SH3PXD2B: variants seen among roughly 807,000 people sequenced by gnomAD.
SH3PXD2B encodes SH3 and PX domain-containing protein 2B.
In SH3PXD2B, 37 loss-of-function variants were observed where a neutral mutation model predicts 73.1. The observed-to-expected ratio is 0.51, with a 90% confidence interval of 0.39 to 0.67. SH3PXD2B has a LOEUF of 0.67. Among genes scored for constraint, SH3PXD2B ranks in the 30% least tolerant of loss-of-function variants. SH3PXD2B has a pLI of 0.00. For synonymous variants in SH3PXD2B, 457 were observed against 480.5 expected (o/e 0.95, Z 0.64); for missense variants, 1,053 against 1,197.8 (o/e 0.88, Z 1.78).
At position 172,338,627 on chromosome 5, in the gene SH3PXD2B, T is replaced by A. The variant is rs1434913979; in HGVS notation, c.2478A>T (p.Pro826=). Residue 826 remains proline (P), a synonymous_variant, in exon 13 of 13, where the codon CCA becomes CCT. Coordinates refer to ENST00000311601, the MANE Select transcript of SH3PXD2B (RefSeq NM_001017995.3). The surrounding 1 kb of genome is among the most constrained non-coding windows in gnomAD (Gnocchi z 5.1). ...DDTRGKGSLG[P]WGTGKIGENR... ...TTTCTCCAATCTTGCCGGTCCCCCA[T>A]GGCCCCAGGCTGCCTTTGCCTCGCG... is the stretch of plus-strand genomic sequence containing the variant. The A allele has an allele frequency of 5.0e-6, 8 of 1,614,038 alleles. No homozygotes were observed. The highest frequency in any genetic ancestry group is 6.8e-6 in the Non-Finnish European group (8 of 1,180,032).
intron 6 of SH3PXD2B, among the ~76,000 whole-genome samples, chr5:172,372,821 C>T (rs954529968): frequency 3.3e-5 from 5 of 152,158 alleles, no homozygotes; most frequent in Admixed American, 1.3e-4. Flanking sequence ...CTTCAAACCT[C>T]CTGGCACCCT....
rs1285606943 is a variant in SH3PXD2B at position 172,382,131 on chromosome 5, G to A, written c.310-4C>T. On this transcript the variant is annotated splice_region_variant and splice_polypyrimidine_tract_variant and intron_variant, in intron 4 of 12. Transcript: ENST00000311601. ...AGGGGGGCAGCTGGATGAGGGCCTG[G>A]AGAAGAGAGACGCAGGTGAGTGCAA... is the stretch of plus-strand genomic sequence containing the variant. 2.5e-6 allele frequency: 4 copies of A among 1,602,210 alleles called. No individual in the cohort carries two copies. Among genetic ancestry groups the A allele is most frequent in the Non-Finnish European group, 3.4e-6 (4 of 1,174,770 alleles).
chr5:172,439,677 T>TGCGC (rs140085322), intron 1 of SH3PXD2B, among the ~76,000 whole-genome samples: 4 of 121,682 alleles, frequency 3.3e-5, no homozygotes, highest in African/African-American at 1.2e-4. Flanking sequence ...TGTGCGTGCG[T>TGCGC]GCGCGCACGC....
At chr5:172,390,501 C>T (rs147120482) in intron 4 of SH3PXD2B, among the ~76,000 whole-genome samples, 7 of 152,370 alleles carry the variant, frequency 4.6e-5, no homozygotes, top group African/African-American at 7.2e-5. Flanking sequence ...CCTCCTGCCT[C>T]AGCCTTCTGT....
intron 4 of SH3PXD2B, among the ~76,000 whole-genome samples, chr5:172,385,307 G>C (rs554494129): frequency 1.3e-5 from 2 of 152,044 alleles, no homozygotes; most frequent in East Asian, 3.8e-4. Flanking sequence ...AGCACTCCTC[G>C]ACCTTGGCTT....
chr5:172,440,103 A>C (rs7715081), intron 1 of SH3PXD2B, among the ~76,000 whole-genome samples: 23,111 of 152,132 alleles, frequency 0.15, 2,797 homozygotes, highest in African/African-American at 0.34. Context: ...GCCTCAGAGG[A>C]GCCTGGGCAA....
chr5:172,336,794 G>A lies in SH3PXD2B; in HGVS notation c.*1575C>T. On this transcript the variant is annotated 3_prime_UTR_variant, in exon 13 of 13. Transcript: ENST00000311601. ...TTACTCTGGGCTGGGAGCTAGAAAT[G>A]CTGGGTCCTGATTTTGCTTCTGCAG... 3.0e-6 allele frequency: 3 copies of A among 985,662 alleles called. No homozygotes were observed. Among genetic ancestry groups the A allele is most frequent in the Non-Finnish European group, 2.4e-6 (2 of 830,128 alleles). 61.1% of individuals were successfully genotyped at this position (985,662 alleles called of 1,614,324 possible).
rs763959939 is a variant in SH3PXD2B, at chr5:172,333,730, C to T, written c.*4639G>A. On this transcript the variant is annotated 3_prime_UTR_variant, in exon 13 of 13. Transcript: ENST00000311601. ...AAGTGTGGGGATCTCCAGCGTCATC[C>T]TATGAGCAGACACGAGGTGGTGGGC... The T allele has an allele frequency of 4.7e-6, 6 of 1,289,448 alleles. No individual in the cohort carries two copies. In the South Asian group the frequency reaches 7.4e-5, roughly 16 times the overall value. 79.9% of individuals were successfully genotyped at this position (1,289,448 alleles called of 1,614,324 possible). A position where few individuals can be genotyped will look rare whatever the true frequency, so the allele number is the denominator to read the frequency against.
chr5:172,368,675 A>T (rs555245569), intron 6 of SH3PXD2B, among the ~76,000 whole-genome samples: 49 of 24,866 alleles, frequency 2.0e-3, no homozygotes, highest in Non-Finnish European at 2.3e-3. Context: ...TATATATATA[A>T]AATATATATG....
rs1757447952 is a variant in SH3PXD2B, at chr5:172,363,727, T to C, written c.428-858A>G. ...GAAGGAGGCTAGGTGAGGAAGTGCA[T>C]GGAAAGAGTGGTTCTGAGTGAGGTC... On this transcript the variant is annotated intron_variant, in intron 6 of 12. Coordinates refer to ENST00000311601, the MANE Select transcript of SH3PXD2B (RefSeq NM_001017995.3). Among the ~76,000 whole-genome samples the C allele has an allele frequency of 2.6e-5, 4 of 152,098 alleles. No individual in the cohort carries two copies. The South Asian group carries it at 8.3e-4, about 32-fold the overall frequency.
intron 1 of SH3PXD2B, among the ~76,000 whole-genome samples, chr5:172,439,282 A>C (rs1386888865): frequency 1.8e-5 from 1 of 54,916 alleles, no homozygotes; most frequent in African/African-American, 7.3e-5. Flanking sequence ...AAAACAAAAC[A>C]AAAAAAAAAC....
At chr5:172,426,589 G>C (rs1759101555) in intron 1 of SH3PXD2B, among the ~76,000 whole-genome samples, 1 of 152,116 alleles carries the variant, frequency 6.6e-6, no homozygotes, top group African/African-American at 2.4e-5. Context: ...TCCTTCCTCT[G>C]GTCTTCATGA....
Position 172,336,323 on chromosome 5 carries a change from C to A in SH3PXD2B, c.*2046G>T, listed in dbSNP as rs750979797. 31 of 985,448 alleles carry A rather than the reference C, an allele frequency of 3.1e-5. No individual in the cohort carries two copies. The highest frequency in any genetic ancestry group is 3.7e-5 in the Non-Finnish European group (31 of 829,984). 61.0% of individuals were successfully genotyped at this position (985,448 alleles called of 1,614,324 possible). ...TGGGGCCTCCTCTCAAGGGAGGGGA[C>A]CCTCAAGCGGTGGCGGCCCTTCCCC... On this transcript the variant is annotated 3_prime_UTR_variant, in exon 13 of 13. Transcript: ENST00000311601.
At chr5:172,388,506 G>A (rs560163210) in intron 4 of SH3PXD2B, among the ~76,000 whole-genome samples, 1 of 152,240 alleles carries the variant, frequency 6.6e-6, no homozygotes, top group African/African-American at 2.4e-5. Flanking sequence ...TAACTTCCCC[G>A]TGGCTCATTT....
intron 3 of SH3PXD2B, among the ~76,000 whole-genome samples, chr5:172,405,999 T>C (rs1026336274): frequency 6.6e-6 from 1 of 152,220 alleles, no homozygotes; most frequent in Admixed American, 6.5e-5. Flanking sequence ...TTAACCCACT[T>C]ATGCCTAGTG....
intron 3 of SH3PXD2B, among the ~76,000 whole-genome samples, chr5:172,405,380 T>A (rs920296941): frequency 6.6e-6 from 1 of 152,378 alleles, no homozygotes; most frequent in African/African-American, 2.4e-5. Context: ...AATAATTGTA[T>A]GAGTCCTTAA....
At chr5:172,381,993 G>T in intron 5 of SH3PXD2B, 43 bp downstream of exon 5, 2 of 1,502,166 alleles carry the variant, frequency 1.3e-6, no homozygotes, top group Non-Finnish European at 9.2e-7. Context: ...GCAGGAGGGA[G>T]GGCTGTGGGG....
rs1253039150 is a variant in SH3PXD2B, at chr5:172,339,358, C to T, written c.1747G>A (p.Asp583Asn). The T allele has an allele frequency of 1.9e-6, 3 of 1,614,196 alleles. No individual in the cohort carries two copies. The East Asian group carries it at 6.7e-5, about 36-fold the overall frequency. The change falls in exon 13 of 13, where the codon GAC becomes AAC. Residue 583 changes from aspartate (D) to asparagine (N), a missense_variant. By Grantham distance (23) the Asp-to-Asn change is conservative. Coordinates refer to ENST00000311601, the MANE Select transcript of SH3PXD2B (RefSeq NM_001017995.3). The surrounding 1 kb of genome is among the most constrained non-coding windows in gnomAD (Gnocchi z 6.1). ...RDSRRPEPKP[D>N]KSRLFQLKND... ...TTCAGCTGGAACAGTCTGCTTTTGT[C>T]AGGTTTGGGCTCTGGCCTCCTGCTG... is the stretch of plus-strand genomic sequence containing the variant.
chr5:172,438,093 T>C (rs914229484), intron 1 of SH3PXD2B, among the ~76,000 whole-genome samples: 2 of 152,146 alleles, frequency 1.3e-5, no homozygotes, highest in Non-Finnish European at 2.9e-5. Context: ...CTGCCCCTCC[T>C]CTGCTCCAGC....
Sources: gnomAD v4.1 joint callset for allele counts (sites outside exome capture counted in the v4.1 genomes callset) on GRCh38, gnomAD v4.1.1 for gene constraint, Gnocchi (gnomAD v3.1) non-coding constraint, MANE v1.5 for transcripts, NCBI Gene and HGNC (gene_info 2026-07-23, HGNC 2026-07-21) for gene names.